MAPK4: variants seen among roughly 807,000 people sequenced by gnomAD.
The protein encoded by MAPK4 is Erk3-related.
A neutral mutation model predicts 47.7 loss-of-function variants in MAPK4; 22 were observed. The ratio of observed to expected loss-of-function variants is 0.46; its 90% CI spans 0.33 to 0.66. The LOEUF (loss-of-function observed/expected upper bound fraction) is 0.66. Among genes scored for constraint, MAPK4 ranks in the 30% least tolerant of loss-of-function variants. The pLI is 0.02. For synonymous variants in MAPK4, 390 were observed against 365.7 expected, an observed-to-expected ratio of 1.07 and a Z score of -0.76; for missense variants, 736 against 831.7, an observed-to-expected ratio of 0.88 and a Z score of 1.42.
intron 2 of MAPK4, among the ~76,000 whole-genome samples, chr18:50,691,362 G>C (rs557202713): frequency 6.6e-6 from 1 of 152,192 alleles, no homozygotes; most frequent in African/African-American, 2.4e-5. Context: ...AAATGAACTG[G>C]CCAGGAAGGC....
chr18:50,685,371 A>G (rs1908815283), intron 2 of MAPK4, among the ~76,000 whole-genome samples: 1 of 152,208 alleles, frequency 6.6e-6, no homozygotes, highest in Non-Finnish European at 1.5e-5. Context: ...AATGAGAGAG[A>G]ATATGGCCAG....
Position 50,729,271 on chromosome 18 carries a change from A to T in MAPK4, c.1181A>T (p.Gln394Leu). The T allele has an allele frequency of 1.2e-6, 2 of 1,609,672 alleles. No individual in the cohort carries two copies. The highest frequency in any genetic ancestry group is 1.7e-6 in the Non-Finnish European group (2 of 1,177,818). ...TCGGCGCCACTGGCTGAGGACGTGC[A>T]GGTGGACCCGCGCAAGGACTCGCAC... ...AGSAPLAEDVQVDPRKDSHSS... is the reference protein window; with the variant it reads ...AGSAPLAEDVLVDPRKDSHSS... Residue 394 changes from glutamine to leucine, a missense_variant, in exon 6 of 6, where the codon CAG (glutamine) becomes CTG (leucine). By Grantham distance (113) the Gln-to-Leu change is moderately radical. This residue lies in a region of MAPK4 where 377 missense variants were observed against 378.6 expected (regional missense o/e 1.00). Transcript: ENST00000400384.
At position 50,715,372 on chromosome 18, in the gene MAPK4, T is replaced by C. The variant is rs1271943200; in HGVS notation, c.691+149T>C. The C allele has an allele frequency of 4.0e-6, 4 of 992,702 alleles. No homozygotes were observed. In the African/African-American group the frequency reaches 4.9e-5, roughly 12 times the overall value. The allele number at this position is 992,702 out of a possible 1,614,324, so 61.5% of individuals were successfully genotyped here. A position where few individuals can be genotyped will look rare whatever the true frequency, so the allele number is the denominator to read the frequency against. On this transcript the variant is annotated intron_variant, in intron 3 of 5. Transcript: ENST00000400384. ...TTTATGACACTATTTGGAGGCACCT[T>C]ATTATATTGTCAGGCAAAAATACTG...
chr18:50,604,222 A>T (rs188281842), intron 1 of MAPK4, among the ~76,000 whole-genome samples: 2 of 152,332 alleles, frequency 1.3e-5, no homozygotes, highest in East Asian at 3.9e-4. Context: ...GATGATTTTG[A>T]GTTACTGAGA....
rs8092710 is a variant in MAPK4, at chr18:50,583,513, C to G, written c.-871+23270C>G. Among the ~76,000 whole-genome samples the G allele has an allele frequency of 9.3e-3, 1,417 of 152,232 alleles. 20 individuals are homozygous for G. Among genetic ancestry groups the G allele is most frequent in the African/African-American group, 0.032 (1,315 of 41,512 alleles). On this transcript the variant is annotated intron_variant, in intron 1 of 5. Transcript: ENST00000400384. The stretch of plus-strand genomic sequence containing the variant: ...CTGAGGCATAAAAATTGTTTGAGCC[C>G]AGGAGGTGGAGGTTGCAGTGAGCTG...
rs267605203 is a variant in MAPK4 at position 50,726,006 on chromosome 18, C to T, written c.898C>T (p.Arg300Cys). 7.4e-6 allele frequency: 12 copies of T among 1,614,034 alleles called. No individual in the cohort carries two copies. Among genetic ancestry groups the T allele is most frequent in the Non-Finnish European group, 3.4e-6 (4 of 1,180,046 alleles). ...EKILTFNPMD[R>C]LTAEMGLQHP... Reference sequence around the variant, plus strand: ...GATCCTGACCTTTAACCCCATGGATCGCCTAACAGCTGAGATGGGGCTGCA... The same window carrying T: ...GATCCTGACCTTTAACCCCATGGATTGCCTAACAGCTGAGATGGGGCTGCA... Residue 300 changes from arginine (R) to cysteine (C), a missense_variant, in exon 5 of 6, where the codon CGC (arginine) becomes TGC (cysteine). Physicochemically the swap from Arg to Cys is radical, Grantham distance 180 (BLOSUM62 -3). Coordinates refer to ENST00000400384, the MANE Select transcript of MAPK4 (RefSeq NM_002747.4).
At chr18:50,721,293 GAGA>G (rs1910922857) in intron 3 of MAPK4, among the ~76,000 whole-genome samples, 1 of 152,174 alleles carries the variant, frequency 6.6e-6, no homozygotes, top group African/African-American at 2.4e-5. Context: ...GCCTGGCATG[GAGA>G]AGGTGCTCGA....
At chr18:50,707,728 T>C (rs1910136405) in intron 2 of MAPK4, among the ~76,000 whole-genome samples, 1 of 152,198 alleles carries the variant, frequency 6.6e-6, no homozygotes, top group African/African-American at 2.4e-5. Flanking sequence ...TTTATGGCAA[T>C]TTTATTATAA....
chr18:50,690,065 G>A (rs1374998002), intron 2 of MAPK4, among the ~76,000 whole-genome samples: 1 of 152,094 alleles, frequency 6.6e-6, no homozygotes, highest in Admixed American at 6.5e-5. Context: ...TTTGGGGAAG[G>A]GGCTGGCTTT....
chr18:50,660,656 G>A (rs911429872), intron 1 of MAPK4, among the ~76,000 whole-genome samples: 2 of 152,214 alleles, frequency 1.3e-5, no homozygotes, highest in South Asian at 4.1e-4. Context: ...AGAAAAGGGA[G>A]ACATGTCATT....
In MAPK4 at chr18:50,721,983, C is replaced by T; in HGVS notation, c.737C>T (p.Pro246Leu). 6.2e-7 allele frequency: 1 copy of T among 1,614,126 alleles called. No homozygotes were observed. The highest frequency in any genetic ancestry group is 8.5e-7 in the Non-Finnish European group (1 of 1,180,018). ...ATGCAACTCATCCTGGAGACCATCC[C>T]TGTAATCCGGGAGGAAGACAAGGAC... ...EQMQLILETI[P>L]VIREEDKDEL... Residue 246 changes from proline to leucine, a missense_variant, in exon 4 of 6, where the codon CCT becomes CTT. This residue lies in a region of MAPK4 where 327 missense variants were observed against 395.4 expected (regional missense o/e 0.83). Coordinates refer to ENST00000400384, the MANE Select transcript of MAPK4 (RefSeq NM_002747.4).
chr18:50,717,227 CA>C (rs1392112879), intron 3 of MAPK4, among the ~76,000 whole-genome samples: 1 of 152,188 alleles, frequency 6.6e-6, no homozygotes, highest in Non-Finnish European at 1.5e-5. Flanking sequence ...CAGAACTGCT[CA>C]GGGGAGGAGA....
chr18:50,712,110 TG>T (rs1910398561), intron 2 of MAPK4, among the ~76,000 whole-genome samples: 1 of 152,220 alleles, frequency 6.6e-6, no homozygotes, highest in Non-Finnish European at 1.5e-5. Context: ...CTCAGCCTTG[TG>T]GCTTCTGAAA....
chr18:50,664,179 A>G lies in MAPK4; in HGVS notation c.221A>G (p.His74Arg). Residue 74 changes from histidine to arginine, a missense_variant, in exon 2 of 6, where the codon CAC becomes CGC. His to Arg is a conservative substitution (Grantham distance 29, BLOSUM62 0). Transcript: ENST00000400384. The surrounding 1 kb of genome is among the most constrained non-coding windows in gnomAD (Gnocchi z 6.0). ...ATCAAGATCATTCGGCGCCTGGACC[A>G]CGACAACATCGTCAAAGTGTACGAG... is the stretch of plus-strand genomic sequence containing the variant. ...REIKIIRRLD[H>R]DNIVKVYEVL... 2 of 1,614,150 alleles carry G rather than the reference A, an allele frequency of 1.2e-6. No homozygotes were observed. The highest frequency in any genetic ancestry group is 1.7e-6 in the Non-Finnish European group (2 of 1,180,020).
intron 1 of MAPK4, among the ~76,000 whole-genome samples, chr18:50,594,853 T>C (rs143112104): frequency 1.3e-5 from 2 of 152,278 alleles, no homozygotes; most frequent in East Asian, 3.9e-4. Flanking sequence ...AAATGAAATA[T>C]TTGAAGAACT....
chr18:50,689,825 A>G (rs976041694), intron 2 of MAPK4, among the ~76,000 whole-genome samples: 2 of 152,234 alleles, frequency 1.3e-5, no homozygotes, highest in African/African-American at 4.8e-5. Context: ...CAGTTTAACT[A>G]TATCTCAGAT....
intron 1 of MAPK4, among the ~76,000 whole-genome samples, chr18:50,616,680 G>GT (rs1306087536): frequency 1.3e-5 from 2 of 152,234 alleles, no homozygotes; most frequent in South Asian, 4.1e-4. Context: ...GGTCACTGGT[G>GT]TAAGTCCAAG....
chr18:50,697,778 G>C lies in MAPK4; in HGVS notation c.547-17301G>C, dbSNP rs537133747. Among the ~76,000 whole-genome samples the C allele has an allele frequency of 1.8e-4, 27 of 152,300 alleles. 1 individual carries two copies. The East Asian group carries it at 4.6e-3, about 26-fold the overall frequency. ...GTACAGAGCCATGCTCAGCCATCTG[G>C]AGATAGAAATGCTCAGGGGTCCCCA... On this transcript the variant is annotated intron_variant, in intron 2 of 5. Transcript: ENST00000400384.
chr18:50,719,083 CAA>C (rs11356183), intron 3 of MAPK4, among the ~76,000 whole-genome samples: 33 of 124,258 alleles, frequency 2.7e-4, no homozygotes, highest in Admixed American at 4.3e-4. Context: ...GACTCCACCT[CAA>C]AAAAAAAAAA....
Sources: gnomAD v4.1 joint callset for allele counts (sites outside exome capture counted in the v4.1 genomes callset) on GRCh38, gnomAD v4.1.1 for gene constraint, gnomAD v4.1.1 regional missense constraint, Gnocchi (gnomAD v3.1) non-coding constraint, MANE v1.5 for transcripts, NCBI Gene and HGNC (gene_info 2026-07-23, HGNC 2026-07-21) for gene names.